Variants in ZCCHC24 observed in about 807,000 individuals in gnomAD.
ZCCHC24 encodes the protein zinc finger CCHC domain-containing protein 24.
ZCCHC24 carries 10 observed loss-of-function variants against 26.2 expected under a neutral mutation model. That is an observed-to-expected ratio of 0.38 (90% CI 0.24 to 0.65). The LOEUF (loss-of-function observed/expected upper bound fraction) is 0.65, where lower values mean the gene tolerates loss of function less well. Ranked by LOEUF, ZCCHC24 falls within the 30% of genes least tolerant of loss-of-function variation. The pLI is 0.54. For missense variants in ZCCHC24, 243 were observed against 329.1 expected (o/e 0.74, Z 2.03); for synonymous variants, 144 against 147.1 (o/e 0.98, Z 0.15).
At chr10:79,419,052 T>G (rs1273912324) in intron 2 of ZCCHC24, among the ~76,000 whole-genome samples, 1 of 152,210 alleles carries the variant, frequency 6.6e-6, no homozygotes, top group Non-Finnish European at 1.5e-5. Flanking sequence ...TGCACATATG[T>G]GTCTGCGTGC....
intron 3 of ZCCHC24, among the ~76,000 whole-genome samples, chr10:79,388,940 C>A (rs1201429962): frequency 6.6e-6 from 1 of 152,202 alleles, no homozygotes; most frequent in African/African-American, 2.4e-5. Flanking sequence ...TGGAAAGCCA[C>A]ACATGCTGTT....
chr10:79,418,169 G>C (rs1856890516), intron 2 of ZCCHC24, among the ~76,000 whole-genome samples: 1 of 152,220 alleles, frequency 6.6e-6, no homozygotes, highest in African/African-American at 2.4e-5. Context: ...CTCAGCAAAT[G>C]TGGCTGCTCG....
intron 2 of ZCCHC24, among the ~76,000 whole-genome samples, chr10:79,422,062 C>T (rs1431245808): frequency 5.3e-5 from 8 of 152,062 alleles, no homozygotes; most frequent in South Asian, 2.1e-4. Context: ...GCCTTCCCTT[C>T]GCATGCTCCC....
intron 2 of ZCCHC24, among the ~76,000 whole-genome samples, chr10:79,421,562 T>C (rs1339496826): frequency 6.6e-6 from 1 of 151,790 alleles, no homozygotes; most frequent in Non-Finnish European, 1.5e-5. Context: ...CTGTCTAACA[T>C]TCAAAGGGCT....
At chr10:79,417,859 C>T (rs1323509963) in intron 2 of ZCCHC24, among the ~76,000 whole-genome samples, 6 of 152,136 alleles carry the variant, frequency 3.9e-5, no homozygotes, top group Admixed American at 1.3e-4. Flanking sequence ...GGAGTGGGGG[C>T]GGTGTGTTGA....
At chr10:79,432,337 C>A (rs1353449180) in intron 2 of ZCCHC24, among the ~76,000 whole-genome samples, 1 of 152,222 alleles carries the variant, frequency 6.6e-6, no homozygotes, top group Non-Finnish European at 1.5e-5. Context: ...GATTGCTGAC[C>A]AACCAGCGTG....
intron 2 of ZCCHC24, among the ~76,000 whole-genome samples, chr10:79,429,065 C>T (rs1244375547): frequency 6.6e-6 from 1 of 152,188 alleles, no homozygotes; most frequent in Non-Finnish European, 1.5e-5. Context: ...AAAATAATTA[C>T]TGCTGATACT....
intron 2 of ZCCHC24, among the ~76,000 whole-genome samples, chr10:79,423,353 C>T (rs1457494856): frequency 2.0e-5 from 3 of 151,592 alleles, no homozygotes; most frequent in Non-Finnish European, 2.9e-5. Context: ...GAGTTTGAGA[C>T]CAGCCTAGCC....
intron 2 of ZCCHC24, among the ~76,000 whole-genome samples, chr10:79,424,004 C>T (rs1248265060): frequency 2.2e-5 from 3 of 135,982 alleles, no homozygotes; most frequent in African/African-American, 8.5e-5. Flanking sequence ...GGCAACAGAG[C>T]GAGACTCCGT....
At chr10:79,422,550 C>T (rs1193429485) in intron 2 of ZCCHC24, among the ~76,000 whole-genome samples, 1 of 152,240 alleles carries the variant, frequency 6.6e-6, no homozygotes, top group Non-Finnish European at 1.5e-5. Flanking sequence ...AGACTATTTA[C>T]ATCCTGCCTC....
At chr10:79,398,242 C>T (rs1327488486) in intron 2 of ZCCHC24, among the ~76,000 whole-genome samples, 1 of 152,228 alleles carries the variant, frequency 6.6e-6, no homozygotes, top group Non-Finnish European at 1.5e-5. Context: ...CCTGCAATGA[C>T]ATCTGGCTCT....
intron 2 of ZCCHC24, among the ~76,000 whole-genome samples, chr10:79,400,394 C>T (rs4980073): frequency 0.84 from 127,405 of 152,224 alleles, 53,412 homozygotes; most frequent in East Asian, 0.92. Flanking sequence ...AATAAAGCCA[C>T]TAAAATAGTT....
At position 79,395,004 on chromosome 10, in the gene ZCCHC24, A is replaced by C. The variant is rs114775331; in HGVS notation, c.448-564T>G. 3.1e-3 allele frequency among the ~76,000 whole-genome samples: 470 copies of C among 152,304 alleles called. 2 individuals are homozygous for C. The highest frequency in any genetic ancestry group is 0.01 in the African/African-American group (431 of 41,562). On this transcript the variant is annotated intron_variant, in intron 2 of 3. Transcript: ENST00000372336. ...ATTTGTACATACATTCTTTTCCCTC[A>C]TGAAAATGGAAACAGATTATCCATC...
At chr10:79,410,758 G>C (rs945713333) in intron 2 of ZCCHC24, among the ~76,000 whole-genome samples, 126 of 151,758 alleles carry the variant, frequency 8.3e-4, no homozygotes, top group African/African-American at 3.0e-3. Context: ...ACCAGTTAGG[G>C]GGGTGCTGCC....
intron 2 of ZCCHC24, among the ~76,000 whole-genome samples, chr10:79,418,668 T>C (rs1856897584): frequency 6.6e-6 from 1 of 152,158 alleles, no homozygotes. Context: ...CGGCCCAGGC[T>C]GGGCTACCTT....
At chr10:79,441,403 C>T (rs946556285) in intron 1 of ZCCHC24, among the ~76,000 whole-genome samples, 6 of 152,070 alleles carry the variant, frequency 3.9e-5, no homozygotes, top group African/African-American at 1.4e-4. Context: ...CCTTGTGACA[C>T]CCTTGCTACT....
chr10:79,408,050 C>A (rs1430697076), intron 2 of ZCCHC24, among the ~76,000 whole-genome samples: 3 of 152,148 alleles, frequency 2.0e-5, no homozygotes, highest in Admixed American at 6.5e-5. Context: ...TTCAGGAAGG[C>A]AAAGGAACAC....
At position 79,383,690 on chromosome 10, in the gene ZCCHC24, A is replaced by AT. The variant is rs1357984987; in HGVS notation, c.*2654dup. The AT allele has an allele frequency of 1.2e-4, 18 of 151,634 alleles. No individual in the cohort carries two copies. The South Asian group carries it at 2.3e-3, about 19-fold the overall frequency. The allele number at this position is 151,634 out of a possible 1,614,324, so 9.4% of individuals were successfully genotyped here. A position where few individuals can be genotyped will look rare whatever the true frequency, so the allele number is the denominator to read the frequency against. ...ATACAGACAAAAAATTACTGTGAAG[A>AT]TTTTTTCGGGAAAAGCTACCAAATT... On this transcript the variant is annotated 3_prime_UTR_variant, in exon 4 of 4. Transcript: ENST00000372336.
chr10:79,395,313 G>A (rs1286764067), intron 2 of ZCCHC24, among the ~76,000 whole-genome samples: 1 of 152,178 alleles, frequency 6.6e-6, no homozygotes, highest in Non-Finnish European at 1.5e-5. Flanking sequence ...ATAAGTCCAT[G>A]CAAGCTCCGT....
Sources: gnomAD v4.1 joint callset for allele counts (sites outside exome capture counted in the v4.1 genomes callset) on GRCh38, gnomAD v4.1.1 for gene constraint, MANE v1.5 for transcripts, NCBI Gene and HGNC (gene_info 2026-07-23, HGNC 2026-07-21) for gene names.